The following ELMO1 variants were observed in gnomAD, a reference collection of about 807,000 sequenced individuals.
The protein encoded by ELMO1 is engulfment and cell motility 1.
Under a neutral mutation model 98.9 loss-of-function variants are expected in ELMO1, and 26 were observed. That is an observed-to-expected ratio of 0.26 (90% confidence interval 0.19 to 0.36). ELMO1 has a LOEUF of 0.36. Among genes scored for constraint, ELMO1 ranks in the 10% least tolerant of loss-of-function variants. The pLI is 1.00. For synonymous variants in ELMO1, 346 were observed against 346.0 expected, an observed-to-expected ratio of 1.00 and a Z score of 0.00; for missense variants, 627 against 935.2, an observed-to-expected ratio of 0.67 and a Z score of 4.30.
chr7:37,003,287 C>T (rs1325969558), intron 16 of ELMO1, among the ~76,000 whole-genome samples: 1 of 152,058 alleles, frequency 6.6e-6, no homozygotes, highest in East Asian at 1.9e-4. Context: ...ACTCGGGAGG[C>T]TGGGGTGGGA....
intron 13 of ELMO1, among the ~76,000 whole-genome samples, chr7:37,152,101 C>T (rs1016289152): frequency 6.6e-6 from 1 of 152,146 alleles, no homozygotes; most frequent in Admixed American, 6.5e-5. Flanking sequence ...CCTTAGCAAA[C>T]AGATTAGATG....
chr7:36,907,970 G>A (rs1784080913), intron 16 of ELMO1, among the ~76,000 whole-genome samples: 1 of 152,164 alleles, frequency 6.6e-6, no homozygotes, highest in Non-Finnish European at 1.5e-5. Context: ...TTTGGATCAG[G>A]TTTTCTTAGA....
At chr7:37,354,012 A>C (rs1801393866) in intron 1 of ELMO1, among the ~76,000 whole-genome samples, 1 of 152,232 alleles carries the variant, frequency 6.6e-6, no homozygotes, top group Non-Finnish European at 1.5e-5. Flanking sequence ...CTCATGCACC[A>C]GTTTCTCTTA....
Position 37,162,165 on chromosome 7 carries a change from G to A in ELMO1, c.1087-28931C>T, listed in dbSNP as rs553489481. Among the ~76,000 whole-genome samples, 19 of 151,624 alleles carry A rather than the reference G, an allele frequency of 1.3e-4. No homozygotes were observed. The South Asian group carries it at 3.1e-3, about 25-fold the overall frequency. Reference sequence around the variant, plus strand: ...GATCATTCTGAAGACCCAACCTTGCGTTTCTGGAGCCTCTGCAAAAAGAGG... The same window carrying A: ...GATCATTCTGAAGACCCAACCTTGCATTTCTGGAGCCTCTGCAAAAAGAGG... On this transcript the variant is annotated intron_variant, in intron 13 of 21. Transcript: ENST00000310758.
intron 14 of ELMO1, among the ~76,000 whole-genome samples, chr7:37,118,392 A>G (rs1785747398): frequency 6.6e-6 from 1 of 152,232 alleles, no homozygotes; most frequent in African/African-American, 2.4e-5. Context: ...AACTCACAAC[A>G]GGAGAAACTG....
At chr7:37,138,472 G>A (rs1787408944) in intron 13 of ELMO1, among the ~76,000 whole-genome samples, 1 of 152,138 alleles carries the variant, frequency 6.6e-6, no homozygotes, top group Non-Finnish European at 1.5e-5. Context: ...AGAAAGCCTA[G>A]AAGAGATGGA....
At chr7:37,279,110 G>A (rs1225751029) in intron 4 of ELMO1, among the ~76,000 whole-genome samples, 1 of 152,198 alleles carries the variant, frequency 6.6e-6, no homozygotes, top group African/African-American at 2.4e-5. Flanking sequence ...GCTGAGGCAG[G>A]AGAATCGCTT....
chr7:37,178,434 C>CA (rs10572924), intron 13 of ELMO1, among the ~76,000 whole-genome samples: 29 of 140,296 alleles, frequency 2.1e-4, no homozygotes, highest in African/African-American at 7.2e-4. Flanking sequence ...CCCATCTCTT[C>CA]AAAAAAAAAA....
At chr7:37,364,663 T>C (rs926777884) in intron 1 of ELMO1, among the ~76,000 whole-genome samples, 5 of 152,140 alleles carry the variant, frequency 3.3e-5, no homozygotes, top group African/African-American at 1.2e-4. Flanking sequence ...CTTCTTCTTC[T>C]CATTTCACCA....
intron 16 of ELMO1, among the ~76,000 whole-genome samples, chr7:36,915,293 A>T (rs1320989824): frequency 1.3e-5 from 2 of 152,170 alleles, no homozygotes; most frequent in Non-Finnish European, 2.9e-5. Flanking sequence ...ACATGCATTT[A>T]TTTTTGGTAA....
chr7:37,375,703 C>G (rs988864790), intron 1 of ELMO1: 9 of 1,265,160 alleles, frequency 7.1e-6, no homozygotes, highest in Non-Finnish European at 9.2e-6. Flanking sequence ...TGTGAAGGAA[C>G]AGTTTGCCTG....
At chr7:36,971,611 G>GT (rs1433644881) in intron 16 of ELMO1, among the ~76,000 whole-genome samples, 2 of 152,192 alleles carry the variant, frequency 1.3e-5, no homozygotes, top group Non-Finnish European at 2.9e-5. Flanking sequence ...GTATTACCAA[G>GT]AGATCTAAGC....
In ELMO1 at chr7:37,010,626, A is replaced by G. The variant is rs189838164; in HGVS notation, c.1437+2673T>C. On this transcript the variant is annotated intron_variant, in intron 16 of 21. Coordinates refer to ENST00000310758, the MANE Select transcript of ELMO1 (RefSeq NM_014800.11). ...ACCAGAAAGTGAAAAAGGCAAGGAAACAAATTCTCTCCTAGAGCCTCTGGA... is the reference window on the plus strand; with the variant it reads ...ACCAGAAAGTGAAAAAGGCAAGGAAGCAAATTCTCTCCTAGAGCCTCTGGA... 1.8e-3 allele frequency among the ~76,000 whole-genome samples: 278 copies of G among 152,314 alleles called. 1 individual carries two copies. Among genetic ancestry groups the G allele is most frequent in the African/African-American group, 5.2e-3 (215 of 41,564 alleles).
chr7:37,298,040 T>C (rs1239965278), intron 4 of ELMO1, among the ~76,000 whole-genome samples: 1 of 152,182 alleles, frequency 6.6e-6, no homozygotes, highest in East Asian at 1.9e-4. Flanking sequence ...TCAATATGCC[T>C]AATCTGTGTA....
At chr7:37,339,282 T>C (rs1418071589) in intron 2 of ELMO1, among the ~76,000 whole-genome samples, 1 of 152,220 alleles carries the variant, frequency 6.6e-6, no homozygotes, top group Non-Finnish European at 1.5e-5. Flanking sequence ...AGCTGGTATA[T>C]GCATTTTGTA....
chr7:37,437,475 G>A (rs370229495), intron 1 of ELMO1, among the ~76,000 whole-genome samples: 6 of 152,172 alleles, frequency 3.9e-5, no homozygotes, highest in African/African-American at 1.4e-4. Context: ...TTTAACAGTT[G>A]GTACTTCTCC....
chr7:36,979,104 G>A (rs1018658313), intron 16 of ELMO1, among the ~76,000 whole-genome samples: 6 of 152,138 alleles, frequency 3.9e-5, no homozygotes, highest in African/African-American at 1.4e-4. Flanking sequence ...CTTTCTCTCT[G>A]GGTGGCCTTT....
chr7:37,269,407 G>A (rs1178472405), intron 5 of ELMO1: 1 of 147,316 alleles, frequency 6.8e-6, no homozygotes, highest in African/African-American at 2.5e-5. Flanking sequence ...ATGTAAGCCA[G>A]TCTTTTGTAG....
chr7:37,415,098 G>T (rs540866073), intron 1 of ELMO1, among the ~76,000 whole-genome samples: 2 of 152,234 alleles, frequency 1.3e-5, no homozygotes, highest in East Asian at 3.9e-4. Context: ...CATCTTCATG[G>T]CAAGTAAGCT....
Sources: allele counts gnomAD v4.1 joint callset (sites outside exome capture counted in the v4.1 genomes callset), GRCh38; gene constraint gnomAD v4.1.1; transcripts MANE v1.5; gene names NCBI Gene and HGNC (gene_info 2026-07-23, HGNC 2026-07-21).